RANBP2: variants seen among roughly 807,000 people sequenced by gnomAD.
RANBP2 encodes the protein RAN binding protein 2.
RANBP2 carries 57 observed loss-of-function variants against 303.6 expected under a neutral mutation model. The observed-to-expected ratio is 0.19, with a 90% CI of 0.15 to 0.23. The LOEUF (loss-of-function observed/expected upper bound fraction) is 0.23. RANBP2 is among the 10% of genes least tolerant of loss of function. RANBP2 has a pLI of 1.00. For synonymous variants in RANBP2, 1,167 were observed against 1,301.5 expected, an observed-to-expected ratio of 0.90 and a Z score of 2.23; for missense variants, 3,138 against 3,780.8, an observed-to-expected ratio of 0.83 and a Z score of 4.46.
At position 108,763,521 on chromosome 2, in the gene RANBP2, A is replaced by T. The variant is rs61748148; in HGVS notation, c.2982A>T (p.Ala994=). 9,804 of 1,614,172 alleles carry T rather than the reference A, an allele frequency of 6.1e-3. 48 individuals are homozygous for T. The highest frequency in any genetic ancestry group is 7.9e-3 in the Admixed American group (475 of 60,028). Residue 994 remains alanine, a synonymous_variant, in exon 20 of 29, where the codon GCA becomes GCT. Transcript: ENST00000283195. ...PPIAAHASRS[A]ESKTIEFGKT... is the part of the protein sequence containing the mutation. The stretch of plus-strand genomic sequence containing the variant: ...TTGCAGCTCATGCTTCAAGATCTGC[A>T]GAATCTAAGACTATAGAATTTGGGA...
Position 108,783,906 on chromosome 2 carries a change from A to T in RANBP2, c.*5A>T, listed in dbSNP as rs758831609. 17 of 1,603,786 alleles carry T rather than the reference A, an allele frequency of 1.1e-5. No homozygotes were observed. In the South Asian group the frequency reaches 1.7e-4, roughly 16 times the overall value. On this transcript the variant is annotated 3_prime_UTR_variant, in exon 29 of 29. Coordinates refer to ENST00000283195, the MANE Select transcript of RANBP2 (RefSeq NM_006267.5). ...ACAGAATGTGGACAGATATAAAATC[A>T]TTGTTGTTCATAGAAAATTTCATCT...
At chr2:108,835,264 T>G in the RANBP2 span, among the ~76,000 whole-genome samples, 52 of 152,296 alleles carry the variant, frequency 3.4e-4, no homozygotes, top group Admixed American at 5.9e-4. Context: ...GTAAGAAAAA[T>G]GAACAATGTG....
At chr2:109,090,335 CA>C in the RANBP2 span, among the ~76,000 whole-genome samples, 1,480 of 126,230 alleles carry the variant, frequency 0.012, 8 homozygotes, top group African/African-American at 0.018. Context: ...CACACACACA[CA>C]CACACACACA....
the RANBP2 span, among the ~76,000 whole-genome samples, chr2:109,002,244 C>T: frequency 6.6e-6 from 1 of 152,234 alleles, no homozygotes. Context: ...TGGCCCTGTG[C>T]TTGCTCCTGG....
rs199908301 is a variant in RANBP2, at chr2:108,782,124, A to T, written c.8761-4A>T. 2.5e-6 allele frequency: 4 copies of T among 1,613,752 alleles called. No individual in the cohort carries two copies. In the African/African-American group the frequency reaches 4.0e-5, roughly 16 times the overall value. ...CTTATAGAGAATTTCATCTCCTATT[A>T]TAGGTAGAAGTAAAATCTGGAGAAG... On this transcript the variant is annotated splice_polypyrimidine_tract_variant and splice_region_variant and intron_variant, in intron 26 of 28. Coordinates refer to ENST00000283195, the MANE Select transcript of RANBP2 (RefSeq NM_006267.5).
the RANBP2 span, among the ~76,000 whole-genome samples, chr2:108,900,278 G>T: frequency 2.0e-5 from 3 of 152,158 alleles, no homozygotes; most frequent in African/African-American, 7.2e-5. Flanking sequence ...ACTAAAGGCT[G>T]GGCCTGGTGG....
chr2:109,359,354 A>C, the RANBP2 span, among the ~76,000 whole-genome samples: 1 of 152,272 alleles, frequency 6.6e-6, no homozygotes, highest in Non-Finnish European at 1.5e-5. Flanking sequence ...CTATACAACA[A>C]GTTGAAAAGA....
intron 6 of RANBP2, among the ~76,000 whole-genome samples, chr2:108,737,931 G>A (rs1695746513): frequency 6.6e-6 from 1 of 151,638 alleles, no homozygotes; most frequent in Non-Finnish European, 1.5e-5. Context: ...AGCCAGGATG[G>A]TCTCGATCTC....
At chr2:109,555,977 C>T in the RANBP2 span, among the ~76,000 whole-genome samples, 1 of 152,226 alleles carries the variant, frequency 6.6e-6, no homozygotes, top group African/African-American at 2.4e-5. Flanking sequence ...CTGCCCATCT[C>T]TCCCTTCTCA....
At chr2:109,677,663 C>T in the RANBP2 span, among the ~76,000 whole-genome samples, 1 of 152,220 alleles carries the variant, frequency 6.6e-6, no homozygotes, top group Admixed American at 6.5e-5. Context: ...TTCTCTTCCC[C>T]TCTCTTTCAG....
intron 9 of RANBP2, among the ~76,000 whole-genome samples, chr2:108,751,059 T>C (rs1427822207): frequency 2.0e-5 from 3 of 152,222 alleles, no homozygotes; most frequent in Admixed American, 6.5e-5. Flanking sequence ...ACTACTATTT[T>C]TATTAAAATT....
At chr2:109,113,444 T>C in the RANBP2 span, among the ~76,000 whole-genome samples, 1 of 152,200 alleles carries the variant, frequency 6.6e-6, no homozygotes, top group African/African-American at 2.4e-5. Flanking sequence ...TTGTCTGTTA[T>C]TGGTGTATAA....
chr2:109,012,659 A>G, the RANBP2 span, among the ~76,000 whole-genome samples: 76 of 152,348 alleles, frequency 5.0e-4, no homozygotes, highest in African/African-American at 1.8e-3. Flanking sequence ...TCACGCCTGT[A>G]ATCCCAGCAC....
At chr2:109,425,654 G>A in the RANBP2 span, among the ~76,000 whole-genome samples, 1 of 152,050 alleles carries the variant, frequency 6.6e-6, no homozygotes, top group Non-Finnish European at 1.5e-5. Flanking sequence ...TTTACAGCAT[G>A]GTTTCCTGAA....
the RANBP2 span, among the ~76,000 whole-genome samples, chr2:109,763,464 T>C: frequency 6.7e-6 from 1 of 150,174 alleles, no homozygotes; most frequent in Non-Finnish European, 1.5e-5. Context: ...ACAATTGCCA[T>C]TTTCTAGAGT....
chr2:108,727,348 C>T (rs1459886010), intron 1 of RANBP2, among the ~76,000 whole-genome samples: 1 of 152,172 alleles, frequency 6.6e-6, no homozygotes, highest in Non-Finnish European at 1.5e-5. Context: ...GAAATTTGTG[C>T]TAGTTTTGTT....
At chr2:109,592,819 A>C in the RANBP2 span, among the ~76,000 whole-genome samples, 1 of 152,062 alleles carries the variant, frequency 6.6e-6, no homozygotes, top group African/African-American at 2.4e-5. Context: ...AGAAAAAAAA[A>C]TTTCCTTAAT....
At chr2:109,256,984 C>T in the RANBP2 span, among the ~76,000 whole-genome samples, 3 of 152,326 alleles carry the variant, frequency 2.0e-5, no homozygotes, top group South Asian at 6.2e-4. Context: ...TATTCCGCCT[C>T]TGCTCTCAGA....
the RANBP2 span, among the ~76,000 whole-genome samples, chr2:109,198,808 G>T: frequency 6.6e-6 from 1 of 152,190 alleles, no homozygotes; most frequent in Non-Finnish European, 1.5e-5. Flanking sequence ...ACATACCTAG[G>T]CTACGTGGCA....
Sources: gnomAD v4.1 joint callset for allele counts (sites outside exome capture counted in the v4.1 genomes callset) on GRCh38, gnomAD v4.1.1 for gene constraint, MANE v1.5 for transcripts, NCBI Gene and HGNC (gene_info 2026-07-23, HGNC 2026-07-21) for gene names.